The following FGF13 variants were observed in gnomAD, a reference collection of about 807,000 sequenced individuals.
The protein encoded by FGF13 is fibroblast growth factor 13, also known as fibroblast growth factor homologous factor 2.
In FGF13, 2 loss-of-function variants were observed where a neutral mutation model predicts 19.5. The observed-to-expected ratio is 0.10, with a 90% CI of 0.04 to 0.32. The LOEUF (loss-of-function observed/expected upper bound fraction) is 0.32, where lower values mean the gene tolerates loss of function less well. Ranked by LOEUF, FGF13 falls within the 10% of genes least tolerant of loss-of-function variation. The pLI, the probability that FGF13 is intolerant of heterozygous loss-of-function variation, is 1.00. For missense variants in FGF13, 113 were observed against 192.7 expected (o/e 0.59, Z 2.45); for synonymous variants, 72 against 76.9 (o/e 0.94, Z 0.33).
At chrX:139,072,079 A>T (rs1432243378) in intron 1 of FGF13, among the ~76,000 whole-genome samples, 6 of 107,192 alleles carry the variant, frequency 5.6e-5, no homozygotes, top group Non-Finnish European at 1.2e-4. Context: ...GATGTTTCGG[A>T]ACCAATTGTG....
chrX:139,136,063 C>A (rs962723673), intron 1 of FGF13, among the ~76,000 whole-genome samples: 6 of 111,878 alleles, frequency 5.4e-5, no homozygotes, highest in Non-Finnish European at 9.4e-5. Context: ...AGTGTTAACT[C>A]TTCCAAAAAC....
At chrX:139,134,742 G>A (rs1000706719) in intron 1 of FGF13, among the ~76,000 whole-genome samples, 3 of 111,418 alleles carry the variant, frequency 2.7e-5, no homozygotes, top group African/African-American at 6.6e-5. Flanking sequence ...TCTGCCTCCC[G>A]GGTTCAAACA....
chrX:138,726,624 T>C (rs905816301), intron 1 of FGF13, among the ~76,000 whole-genome samples: 1 of 112,083 alleles, frequency 8.9e-6, no homozygotes, highest in African/African-American at 3.2e-5. Flanking sequence ...TAATCTCTTA[T>C]CTACTGTAGA....
At chrX:138,988,931 G>C (rs1424578616) in intron 1 of FGF13, among the ~76,000 whole-genome samples, 6 of 111,657 alleles carry the variant, frequency 5.4e-5, no homozygotes, top group African/African-American at 1.3e-4. Context: ...ATATCCTGAA[G>C]ATTGCTGAGA....
At chrX:139,092,127 G>A (rs1025761845) in intron 1 of FGF13, among the ~76,000 whole-genome samples, 4 of 111,481 alleles carry the variant, frequency 3.6e-5, no homozygotes, top group Admixed American at 9.5e-5. Context: ...GAGGAAAGGA[G>A]GGGTGGCTGC....
At chrX:138,639,726 C>T (rs1310799302) in intron 3 of FGF13, among the ~76,000 whole-genome samples, 1 of 111,570 alleles carries the variant, frequency 9.0e-6, no homozygotes, top group Non-Finnish European at 1.9e-5. Context: ...CATGGTGGCT[C>T]ATGCCTGTAA....
intron 3 of FGF13, among the ~76,000 whole-genome samples, chrX:138,783,546 C>A (rs2090665545): frequency 1.0e-5 from 1 of 96,904 alleles, no homozygotes; most frequent in African/African-American, 3.7e-5. Context: ...TTTATGCAGC[C>A]AAAAGACACA....
At chrX:139,030,907 G>A (rs951932812) in intron 1 of FGF13, among the ~76,000 whole-genome samples, 4 of 112,027 alleles carry the variant, frequency 3.6e-5, no homozygotes, top group African/African-American at 1.3e-4. Flanking sequence ...TTGAATCCAG[G>A]GAAGCATAGT....
At chrX:139,122,847 T>C (rs1292280317) in intron 1 of FGF13, among the ~76,000 whole-genome samples, 3 of 111,321 alleles carry the variant, frequency 2.7e-5, no homozygotes, top group African/African-American at 9.8e-5. Context: ...ATCATCAAAA[T>C]ATGTGTGTAT....
intron 1 of FGF13, among the ~76,000 whole-genome samples, chrX:139,188,384 G>A (rs1312939078): frequency 1.8e-5 from 2 of 112,288 alleles, no homozygotes; most frequent in African/African-American, 6.5e-5. Context: ...CCCTTTGGGA[G>A]ATTTCTATTT....
chrX:139,161,828 A>G (rs7885920), intron 1 of FGF13, among the ~76,000 whole-genome samples: 12,604 of 111,302 alleles, frequency 0.11, 1,174 homozygotes, highest in African/African-American at 0.32. Context: ...TAAAATAGCT[A>G]GGAATACAAC....
intron 3 of FGF13, among the ~76,000 whole-genome samples, chrX:138,808,630 TA>T (rs755211303): frequency 1.1e-4 from 12 of 110,344 alleles, no homozygotes; most frequent in African/African-American, 3.6e-4. Flanking sequence ...AAAAAACCCT[TA>T]AAAAAATCAA....
intron 1 of FGF13, among the ~76,000 whole-genome samples, chrX:138,964,354 C>A (rs1303474489): frequency 9.0e-6 from 1 of 111,647 alleles, no homozygotes; most frequent in Non-Finnish European, 1.9e-5. Flanking sequence ...GTCCTGCAAG[C>A]TAAAAATAGT....
chrX:138,982,449 AAG>A lies in FGF13; in HGVS notation c.-112-117801_-112-117800del, dbSNP rs774733793. Among the ~76,000 whole-genome samples the A allele has an allele frequency of 6.5e-4, 73 of 111,998 alleles. 1 individual carries two copies. Among genetic ancestry groups the A allele is most frequent in the African/African-American group, 2.3e-3 (71 of 30,823 alleles). ...GACACATCTATGTTAAAGAAAACAAAAGAGGACAAAACCCCAGCTCAGAAGGT... is the reference window on the plus strand; with the variant it reads ...GACACATCTATGTTAAAGAAAACAAAAGGACAAAACCCCAGCTCAGAAGGT... On this transcript the variant is annotated intron_variant, in intron 1 of 2. Coordinates refer to the FGF13 transcript ENST00000421460.
chrX:139,037,226 C>A (rs1296558481), intron 1 of FGF13, among the ~76,000 whole-genome samples: 2 of 111,372 alleles, frequency 1.8e-5, no homozygotes, highest in Non-Finnish European at 3.8e-5. Flanking sequence ...TCTCTAGCTG[C>A]ATCATGTGAT....
intron 1 of FGF13, among the ~76,000 whole-genome samples, chrX:139,110,246 A>G (rs1280734253): frequency 1.8e-5 from 2 of 110,732 alleles, no homozygotes; most frequent in African/African-American, 6.6e-5. Flanking sequence ...TAAAATGTAT[A>G]TATATAAAAC....
chrX:138,857,612 C>A (rs768993513), exon 3 of FGF13: 12 of 1,207,899 alleles, frequency 9.9e-6, no homozygotes, highest in Non-Finnish European at 1.1e-5. Context: ...TCTTTAATTC[C>A]GCAGATTGGA....
chrX:138,659,704 C>A (rs1602666213), intron 3 of FGF13, among the ~76,000 whole-genome samples: 1 of 112,025 alleles, frequency 8.9e-6, no homozygotes, highest in Admixed American at 9.5e-5. Flanking sequence ...GTGGCACATA[C>A]ACACCATGGA....
intron 1 of FGF13, among the ~76,000 whole-genome samples, chrX:139,004,541 C>T (rs1237597587): frequency 1.8e-5 from 2 of 112,687 alleles, no homozygotes; most frequent in African/African-American, 6.5e-5. Context: ...AGAGGAGGTG[C>T]CGAGAGCAAG....
Sources: allele counts gnomAD v4.1 joint callset (sites outside exome capture counted in the v4.1 genomes callset), GRCh38; gene constraint gnomAD v4.1.1; transcripts MANE v1.5; gene names NCBI Gene and HGNC (gene_info 2026-07-23, HGNC 2026-07-21).